AGO2: variants seen among roughly 807,000 people sequenced by gnomAD.
The protein encoded by AGO2 is argonaute RISC catalytic component 2.
A neutral mutation model predicts 102.3 loss-of-function variants in AGO2; 5 were observed. That is an observed-to-expected ratio of 0.05 (90% confidence interval 0.03 to 0.10). The LOEUF is 0.10. Among genes scored for constraint, AGO2 ranks in the 10% least tolerant of loss-of-function variants. The pLI is 1.00. For missense variants in AGO2, 541 were observed against 1,183.7 expected, an observed-to-expected ratio of 0.46 and a Z score of 7.97; for synonymous variants, 449 against 473.1, an observed-to-expected ratio of 0.95 and a Z score of 0.66.
chr8:140,562,380 A>G, intron 4 of AGO2, 73 bp downstream of exon 4: 1 of 1,528,670 alleles, frequency 6.5e-7, no homozygotes, highest in South Asian at 1.2e-5. Flanking sequence ...CCTCGGACAG[A>G]TTTCAGACCC....
At chr8:140,594,918 G>C (rs2073803336) in intron 1 of AGO2, among the ~76,000 whole-genome samples, 1 of 150,516 alleles carries the variant, frequency 6.6e-6, no homozygotes, top group Admixed American at 6.6e-5. Flanking sequence ...AAACCTAAAG[G>C]TATAAACGTA....
At chr8:140,574,391 G>A (rs1175890163) in intron 2 of AGO2, among the ~76,000 whole-genome samples, 1 of 151,828 alleles carries the variant, frequency 6.6e-6, no homozygotes, top group Admixed American at 6.6e-5. Context: ...CCTCCCAAGC[G>A]GCCGGAACTA....
In AGO2 at chr8:140,534,156, G is replaced by T. The variant is rs1362389610; in HGVS notation, c.2271+1312C>A. Among the ~76,000 whole-genome samples, 14 of 152,234 alleles carry T rather than the reference G, an allele frequency of 9.2e-5. 1 individual carries two copies. Among genetic ancestry groups the T allele is most frequent in the Admixed American group, 9.2e-4 (14 of 15,292 alleles). ...CTCCGGCACCCCTTTCCTGGCGTGT[G>T]ACTGGTGGCTGTCACAGGGGCCCAG... On this transcript the variant is annotated intron_variant, in intron 17 of 18. Transcript: ENST00000220592.
chr8:140,543,231 G>A (rs1466179138), intron 14 of AGO2, among the ~76,000 whole-genome samples: 1 of 152,158 alleles, frequency 6.6e-6, no homozygotes, highest in African/African-American at 2.4e-5. Context: ...AGCAAAGTGA[G>A]CAGCGGTATA....
intron 13 of AGO2, among the ~76,000 whole-genome samples, chr8:140,547,222 C>G (rs1282425920): frequency 6.6e-6 from 1 of 152,218 alleles, no homozygotes; most frequent in African/African-American, 2.4e-5. Flanking sequence ...CACTGGGATT[C>G]GAGGCACAAA....
chr8:140,582,015 C>T (rs2073565929), intron 2 of AGO2, among the ~76,000 whole-genome samples: 1 of 152,154 alleles, frequency 6.6e-6, no homozygotes, highest in South Asian at 2.1e-4. Context: ...TAATAGCATC[C>T]AAGAACATAG....
Position 140,546,672 on chromosome 8 carries a change from G to A in AGO2, c.1748+796C>T, listed in dbSNP as rs552494900. Among the ~76,000 whole-genome samples the A allele has an allele frequency of 1.1e-4, 16 of 152,350 alleles. No homozygotes were observed. The East Asian group carries it at 3.1e-3, about 29-fold the overall frequency. On this transcript the variant is annotated intron_variant, in intron 13 of 18. Transcript: ENST00000220592. ...AGCTCCAACAGATCCACGCCACAGG[G>A]GCTGCCTATGGCCTCCAGTTCCCTC...
rs2072429506 is a variant in AGO2, at chr8:140,522,481, C to T, written c.*9563G>A. The T allele has an allele frequency of 1.3e-5, 2 of 149,804 alleles. No individual in the cohort carries two copies. Among genetic ancestry groups the T allele is most frequent in the South Asian group, 4.2e-4 (2 of 4,764 alleles). The allele number at this position is 149,804 out of a possible 1,614,324, so 9.3% of individuals were successfully genotyped here. A position where few individuals can be genotyped will look rare whatever the true frequency, so the allele number is the denominator to read the frequency against. Reference sequence around the variant, plus strand: ...TGAGCAGGTTTGCAAATAAGACCTACGCCCAAATCACACTCTCCATCAGCC... The same window carrying T: ...TGAGCAGGTTTGCAAATAAGACCTATGCCCAAATCACACTCTCCATCAGCC... On this transcript the variant is annotated 3_prime_UTR_variant, in exon 19 of 19. Transcript: ENST00000220592.
chr8:140,568,719 A>C (rs2073332237), intron 3 of AGO2, among the ~76,000 whole-genome samples: 1 of 152,078 alleles, frequency 6.6e-6, no homozygotes, highest in South Asian at 2.1e-4. Context: ...CCCCCAAAAG[A>C]CCTCAGCACC....
chr8:140,571,977 C>T (rs1327725545), intron 3 of AGO2, among the ~76,000 whole-genome samples: 2 of 152,128 alleles, frequency 1.3e-5, no homozygotes, highest in African/African-American at 4.8e-5. Context: ...TGTGATCCGC[C>T]CACCTCGGCC....
intron 1 of AGO2, among the ~76,000 whole-genome samples, chr8:140,601,942 T>G (rs2073939887): frequency 6.6e-6 from 1 of 152,108 alleles, no homozygotes; most frequent in Non-Finnish European, 1.5e-5. Context: ...CCCTTTGGGT[T>G]GAAGATGCCC....
chr8:140,634,044 C>G (rs758562477), intron 1 of AGO2, among the ~76,000 whole-genome samples: 2 of 152,228 alleles, frequency 1.3e-5, no homozygotes, highest in East Asian at 3.9e-4. Context: ...AGGGGATGCC[C>G]GGTCCTTTCC....
intron 3 of AGO2, among the ~76,000 whole-genome samples, chr8:140,563,824 C>T (rs547138274): frequency 3.3e-5 from 5 of 152,356 alleles, no homozygotes; most frequent in African/African-American, 7.2e-5. Flanking sequence ...CACATTTGCT[C>T]GCTCGCCCAC....
chr8:140,620,339 G>A (rs1204618077), intron 1 of AGO2, among the ~76,000 whole-genome samples: 1 of 152,158 alleles, frequency 6.6e-6, no homozygotes, highest in Non-Finnish European at 1.5e-5. Flanking sequence ...TGGCAACAGG[G>A]GAAGCCAACT....
rs1055942533 is a variant in AGO2 at position 140,539,518 on chromosome 8, C to T, written c.2035-64G>A. 1.9e-4 allele frequency: 286 copies of T among 1,544,776 alleles called. No individual in the cohort carries two copies. The highest frequency in any genetic ancestry group is 2.4e-4 in the Non-Finnish European group (274 of 1,139,046). On this transcript the variant is annotated intron_variant, in intron 15 of 18. Coordinates refer to ENST00000220592, the MANE Select transcript of AGO2 (RefSeq NM_012154.5). This position sits in a 1 kb window ranked among gnomAD's most constrained non-coding sequence, Gnocchi z 4.7. ...GTAGTGCATGTGAGCAACGGTCCCA[C>T]GTGCGGGTTCTGGGTTGAGAACACC...
intron 1 of AGO2, among the ~76,000 whole-genome samples, chr8:140,618,821 A>G (rs914076144): frequency 3.3e-5 from 5 of 152,042 alleles, no homozygotes; most frequent in African/African-American, 7.2e-5. Flanking sequence ...GTCTCAAAAA[A>G]AAAAGAAAAG....
rs1474453436 is a variant in AGO2 at position 140,520,561 on chromosome 8, T to G, written c.*11483A>C. The G allele has an allele frequency of 6.6e-6, 1 of 152,178 alleles. No individual in the cohort carries two copies. The highest frequency in any genetic ancestry group is 1.5e-5 in the Non-Finnish European group (1 of 68,042). The allele number at this position is 152,178 out of a possible 1,614,324, so 9.4% of individuals were successfully genotyped here. A position where few individuals can be genotyped will look rare whatever the true frequency, so the allele number is the denominator to read the frequency against. On this transcript the variant is annotated 3_prime_UTR_variant, in exon 19 of 19. Transcript: ENST00000220592. ...AAGACCACTCCCCATCTGTTCAGTT[T>G]CGGGTGAGTGCTGAGGAATAGAGAA...
At chr8:140,597,136 T>C (rs1219065255) in intron 1 of AGO2, among the ~76,000 whole-genome samples, 1 of 152,246 alleles carries the variant, frequency 6.6e-6, no homozygotes, top group African/African-American at 2.4e-5. Context: ...AAGAGCTGTT[T>C]CGTTCATTTA....
chr8:140,565,454 C>A (rs1473960997), intron 3 of AGO2, among the ~76,000 whole-genome samples: 19 of 121,274 alleles, frequency 1.6e-4, no homozygotes, highest in Admixed American at 7.2e-4. Context: ...AAAAAAAAAA[C>A]CCAAAAACCA....
Sources: allele counts gnomAD v4.1 joint callset (sites outside exome capture counted in the v4.1 genomes callset), GRCh38; gene constraint gnomAD v4.1.1; non-coding constraint Gnocchi (gnomAD v3.1); transcripts MANE v1.5; gene names NCBI Gene and HGNC (gene_info 2026-07-23, HGNC 2026-07-21).